CCDC180: variants seen among roughly 807,000 people sequenced by gnomAD.
CCDC180 encodes coiled-coil domain containing 180, also known as coiled-coil domain-containing protein 180.
Under a neutral mutation model 209.2 loss-of-function variants are expected in CCDC180, and 154 were observed. That is an observed-to-expected ratio of 0.74 (90% CI 0.65 to 0.84). The LOEUF (loss-of-function observed/expected upper bound fraction) is 0.84. CCDC180 is among the 40% of genes least tolerant of loss of function. The pLI is 0.00. For missense variants in CCDC180, 1,874 were observed against 1,997.3 expected, an observed-to-expected ratio of 0.94 and a Z score of 1.18; for synonymous variants, 778 against 749.1, an observed-to-expected ratio of 1.04 and a Z score of -0.63.
At chr9:97,310,846 A>G (rs181391214) in intron 3 of CCDC180, among the ~76,000 whole-genome samples, 28 of 152,312 alleles carry the variant, frequency 1.8e-4, no homozygotes, top group Admixed American at 1.0e-3. Flanking sequence ...ACTCGAGGTC[A>G]GTGTTCTCTA....
In CCDC180 at chr9:97,349,618, A is replaced by T. The variant is rs78290524; in HGVS notation, c.2855+327A>T. ...GGGCTTCCTGCAGGAGGCAGCATTG[A>T]AGATGAACTCAGAGGAGCCCTGAAT... On this transcript the variant is annotated intron_variant, in intron 21 of 36. Transcript: ENST00000529487. 9.3e-3 allele frequency among the ~76,000 whole-genome samples: 1,415 copies of T among 152,350 alleles called. 41 individuals carry two copies. The East Asian group carries it at 0.095, about 10-fold the overall frequency.
chr9:97,340,365 T>A (rs1459487012), intron 18 of CCDC180, among the ~76,000 whole-genome samples: 1 of 152,160 alleles, frequency 6.6e-6, no homozygotes, highest in African/African-American at 2.4e-5. Context: ...GTCCTTTTTG[T>A]TGATTGTGGG....
rs150928692 is a variant in CCDC180, at chr9:97,313,255, C to T, written c.369C>T (p.Thr123=). 5.2e-5 allele frequency: 84 copies of T among 1,611,160 alleles called. No individual in the cohort carries two copies. The highest frequency in any genetic ancestry group is 4.1e-4 in the African/African-American group (31 of 74,936). ...MDTIVPEKIS[T]STFQRQAEHK... Reference sequence around the variant, plus strand: ...CCGCAGTTCCTGAGAAGATAAGCACCAGCACCTTTCAAAGGCAAGCAGAAC... The same window carrying T: ...CCGCAGTTCCTGAGAAGATAAGCACTAGCACCTTTCAAAGGCAAGCAGAAC... The change falls in exon 5 of 37, where the codon ACC becomes ACT. Residue 123 remains threonine (T), a synonymous_variant. Coordinates refer to ENST00000529487, the MANE Select transcript of CCDC180 (RefSeq NM_020893.6).
intron 15 of CCDC180, 68 bp from the exon 16 acceptor site, chr9:97,327,951 GC>G: frequency 6.5e-7 from 1 of 1,536,318 alleles, no homozygotes; most frequent in Non-Finnish European, 8.8e-7. Context: ...CCAGATTGCA[GC>G]CCATCTCCTT....
At chr9:97,376,528 G>GCT (rs1207930089) in intron 36 of CCDC180, 2 of 435,182 alleles carry the variant, frequency 4.6e-6, no homozygotes, top group African/African-American at 4.0e-5. Context: ...TCCCTGCTCA[G>GCT]CCTCCTTCTA....
intron 18 of CCDC180, among the ~76,000 whole-genome samples, chr9:97,339,661 T>A (rs1413598933): frequency 6.6e-6 from 1 of 152,120 alleles, no homozygotes; most frequent in East Asian, 1.9e-4. Flanking sequence ...TCAAGGAGTA[T>A]CTTTGTGGTG....
chr9:97,332,834 C>T (rs1394934792), intron 18 of CCDC180, among the ~76,000 whole-genome samples: 1 of 152,154 alleles, frequency 6.6e-6, no homozygotes, highest in Non-Finnish European at 1.5e-5. Flanking sequence ...GTTTGACTTC[C>T]TCTCTTCCTA....
Position 97,348,123 on chromosome 9 carries a change from G to C in CCDC180, c.2674+634G>C, listed in dbSNP as rs866964292. Among the ~76,000 whole-genome samples, 1,072 of 149,412 alleles carry C rather than the reference G, an allele frequency of 7.2e-3. 22 individuals carry two copies. Among genetic ancestry groups the C allele is most frequent in the African/African-American group, 0.025 (1,023 of 41,300 alleles). ...GTGGACTCTGTTAATGCGGGGCGGG[G>C]GGGGGGCATGTTTTCAGTAGGATCC... On this transcript the variant is annotated intron_variant, in intron 20 of 36. Coordinates refer to ENST00000529487, the MANE Select transcript of CCDC180 (RefSeq NM_020893.6).
intron 34 of CCDC180, chr9:97,372,800 G>A (rs1827141541): frequency 1.3e-5 from 2 of 152,230 alleles, no homozygotes; most frequent in Admixed American, 1.3e-4. Context: ...GATTGCTTAA[G>A]TCTTTAAGTC....
chr9:97,328,141 G>T lies in CCDC180; in HGVS notation c.1783G>T (p.Glu595Ter). The change falls in exon 16 of 37, where the codon GAA becomes TAA. Residue 595 changes from glutamate to a stop codon, truncating the protein, a stop_gained. Coordinates refer to ENST00000529487, the MANE Select transcript of CCDC180 (RefSeq NM_020893.6). LOFTEE classifies it high-confidence loss of function. ...ATACTTCTTTGTGCGTGAAATCTTTGAACAGGTATGGAGAGGGTGATGATA... is the reference window on the plus strand; with the variant it reads ...ATACTTCTTTGTGCGTGAAATCTTTTAACAGGTATGGAGAGGGTGATGATA... Reference protein sequence around the residue: ...SQYFFVREIFEQNLAGEVIFK... With the variant: ...SQYFFVREIF 6.2e-7 allele frequency: 1 copy of T among 1,613,766 alleles called. No homozygotes were observed. The highest frequency in any genetic ancestry group is 8.5e-7 in the Non-Finnish European group (1 of 1,179,796).
At chr9:97,371,571 C>G (rs919925438) in intron 33 of CCDC180, 24 bp from the exon 34 acceptor site, 5 of 1,493,566 alleles carry the variant, frequency 3.3e-6, no homozygotes, top group South Asian at 1.2e-5. Flanking sequence ...CCTAGCAGCA[C>G]TGTGCTCACC....
chr9:97,366,734 G>A lies in CCDC180; in HGVS notation c.4189+34G>A. 20 of 1,608,498 alleles carry A rather than the reference G, an allele frequency of 1.2e-5. No individual in the cohort carries two copies. Among genetic ancestry groups the A allele is most frequent in the Non-Finnish European group, 1.6e-5 (19 of 1,176,980 alleles). On this transcript the variant is annotated intron_variant, in intron 31 of 36. Coordinates refer to ENST00000529487, the MANE Select transcript of CCDC180 (RefSeq NM_020893.6). This position sits in a 1 kb window ranked among gnomAD's most constrained non-coding sequence, Gnocchi z 4.3. ...AGGCAGCAGGAAGGCACGGGGAACA[G>A]GGCGGGGCGCGAAGCCAGTGGTGGA...
chr9:97,313,938 G>A (rs1461587765), intron 5 of CCDC180, among the ~76,000 whole-genome samples: 2 of 152,156 alleles, frequency 1.3e-5, no homozygotes, highest in African/African-American at 2.4e-5. Flanking sequence ...GATTCCTGGA[G>A]CTGGCTCTGT....
intron 28 of CCDC180, among the ~76,000 whole-genome samples, chr9:97,363,351 T>C (rs1420182908): frequency 6.6e-6 from 1 of 152,234 alleles, no homozygotes; most frequent in African/African-American, 2.4e-5. Context: ...TCTCACTTCC[T>C]GCAAATCTGA....
intron 18 of CCDC180, among the ~76,000 whole-genome samples, chr9:97,338,370 C>A (rs1365567973): frequency 6.6e-6 from 1 of 152,158 alleles, no homozygotes; most frequent in African/African-American, 2.4e-5. Flanking sequence ...TGTCTTTGTT[C>A]TCATTGGTTT....
intron 2 of CCDC180, among the ~76,000 whole-genome samples, chr9:97,308,872 A>C (rs895322743): frequency 6.6e-6 from 1 of 152,246 alleles, no homozygotes; most frequent in African/African-American, 2.4e-5. Context: ...AACTCATGGC[A>C]TACTTCCCCC....
Position 97,326,565 on chromosome 9 carries a change from C to A in CCDC180, c.1557C>A (p.Ala519=). ...KHSLESQVQE[A]HLDRLLDQLR... ...GGGGTGGCTTCCAGGTGCAGGAGGC[C>A]CACCTCGATAGGCTCTTGGACCAAC... The change falls in exon 15 of 37, where the codon GCC becomes GCA. Residue 519 remains alanine, a synonymous_variant. Transcript: ENST00000529487. 1 of 1,610,918 alleles carries A rather than the reference C, an allele frequency of 6.2e-7. No individual in the cohort carries two copies. The highest frequency in any genetic ancestry group is 8.5e-7 in the Non-Finnish European group (1 of 1,177,210).
At chr9:97,352,336 A>G (rs771533663) in intron 22 of CCDC180, among the ~76,000 whole-genome samples, 11 of 152,262 alleles carry the variant, frequency 7.2e-5, no homozygotes, top group Non-Finnish European at 8.8e-5. Flanking sequence ...AGGGGAGATT[A>G]ATGGACCCAA....
rs539351335 is a variant in CCDC180 at position 97,319,707 on chromosome 9, G to A, written c.1080-419G>A. Among the ~76,000 whole-genome samples the A allele has an allele frequency of 2.6e-5, 4 of 152,192 alleles. No homozygotes were observed. The South Asian group carries it at 8.3e-4, about 32-fold the overall frequency. On this transcript the variant is annotated intron_variant, in intron 10 of 36. Transcript: ENST00000529487. ...TTTTAATGACTTCAGAAGAGGATTT[G>A]CTGTACTTAGTTTTCTACTGTTGAT...
Sources: gnomAD v4.1 joint callset for allele counts (sites outside exome capture counted in the v4.1 genomes callset) on GRCh38, gnomAD v4.1.1 for gene constraint, Gnocchi (gnomAD v3.1) non-coding constraint, MANE v1.5 for transcripts, NCBI Gene and HGNC (gene_info 2026-07-23, HGNC 2026-07-21) for gene names.